Variants in MATN2 observed in about 807,000 individuals in gnomAD.
MATN2 encodes the protein matrilin 2, also known as matrilin-2.
A neutral mutation model predicts 103.2 loss-of-function variants in MATN2; 69 were observed. The observed-to-expected ratio is 0.67, with a 90% confidence interval of 0.55 to 0.82. The LOEUF is 0.82. MATN2 is among the 40% of genes least tolerant of loss of function. The pLI, the probability that MATN2 is intolerant of heterozygous loss-of-function variation, is 0.00. For missense variants in MATN2, 1,023 were observed against 1,211.5 expected, an observed-to-expected ratio of 0.84 and a Z score of 2.31; for synonymous variants, 429 against 450.2, an observed-to-expected ratio of 0.95 and a Z score of 0.60.
chr8:97,964,344 C>A (rs1811414393), intron 5 of MATN2, among the ~76,000 whole-genome samples: 1 of 152,126 alleles, frequency 6.6e-6, no homozygotes, highest in African/African-American at 2.4e-5. Context: ...AGTAGCTGAT[C>A]TGGGGTGCCC....
At chr8:97,986,173 T>C (rs192811932) in intron 6 of MATN2, among the ~76,000 whole-genome samples, 9 of 152,320 alleles carry the variant, frequency 5.9e-5, no homozygotes, top group African/African-American at 2.2e-4. Flanking sequence ...ATTTATTGAG[T>C]CAAAGGCAAT....
At chr8:97,909,112 G>A (rs887395645) in intron 2 of MATN2, among the ~76,000 whole-genome samples, 6 of 152,022 alleles carry the variant, frequency 3.9e-5, no homozygotes, top group African/African-American at 1.4e-4. Flanking sequence ...ATAATTTTTT[G>A]TATTTCTTGT....
At chr8:97,956,091 G>C (rs1168262286) in intron 4 of MATN2, among the ~76,000 whole-genome samples, 1 of 152,232 alleles carries the variant, frequency 6.6e-6, no homozygotes, top group African/African-American at 2.4e-5. Context: ...TACAGCCCTG[G>C]CAGTGTTACG....
At chr8:97,907,912 T>A (rs1586400885) in intron 2 of MATN2, among the ~76,000 whole-genome samples, 1 of 151,764 alleles carries the variant, frequency 6.6e-6, no homozygotes, top group Admixed American at 6.6e-5. Context: ...CTGAGGCAGG[T>A]GGATAACCTG....
intron 8 of MATN2, among the ~76,000 whole-genome samples, chr8:98,004,564 T>C (rs1454417800): frequency 6.6e-6 from 1 of 152,138 alleles, no homozygotes; most frequent in African/African-American, 2.4e-5. Context: ...ATAGGAGCCA[T>C]TTTGATATGT....
chr8:98,019,214 T>TAC (rs139740649), intron 12 of MATN2, among the ~76,000 whole-genome samples: 5,578 of 149,788 alleles, frequency 0.037, 323 homozygotes, highest in African/African-American at 0.12. Context: ...AAAATGGACA[T>TAC]ACACACACAC....
At chr8:98,033,750 A>G (rs2255464) in intron 18 of MATN2, 91 bp downstream of exon 18, 3 of 869,668 alleles carry the variant, frequency 3.4e-6, no homozygotes, top group Non-Finnish European at 5.5e-6. Context: ...CAACTGAAGT[A>G]AATCCCACGA....
At chr8:97,900,381 C>T (rs750150952) in intron 2 of MATN2, among the ~76,000 whole-genome samples, 5 of 152,098 alleles carry the variant, frequency 3.3e-5, no homozygotes, top group African/African-American at 1.2e-4. Context: ...GTTCAGAGCC[C>T]GGAGGGGCCT....
intron 3 of MATN2, among the ~76,000 whole-genome samples, chr8:97,933,223 G>C (rs948388677): frequency 6.6e-6 from 1 of 152,232 alleles, no homozygotes; most frequent in Non-Finnish European, 1.5e-5. Context: ...CCCTGGCACT[G>C]CAGAGGCTGT....
chr8:97,874,469 G>C (rs1458518523), intron 1 of MATN2, among the ~76,000 whole-genome samples: 8 of 151,164 alleles, frequency 5.3e-5, no homozygotes, highest in African/African-American at 9.7e-5. Context: ...GCAGTGGTGC[G>C]ATCACGGCTC....
chr8:98,012,567 G>A (rs7835905), intron 10 of MATN2, among the ~76,000 whole-genome samples: 41,138 of 152,064 alleles, frequency 0.27, 6,611 homozygotes, highest in Non-Finnish European at 0.36. Flanking sequence ...TACTGAATGC[G>A]AGAGGGAGGC....
intron 1 of MATN2, among the ~76,000 whole-genome samples, chr8:97,871,323 G>C (rs996547077): frequency 4.6e-5 from 7 of 152,238 alleles, no homozygotes; most frequent in African/African-American, 1.4e-4. Context: ...AGACTAAAAG[G>C]GGGAGAGACC....
At chr8:97,881,472 C>T (rs188696493) in intron 1 of MATN2, among the ~76,000 whole-genome samples, 2 of 152,178 alleles carry the variant, frequency 1.3e-5, no homozygotes, top group Non-Finnish European at 2.9e-5. Flanking sequence ...TCCCCCACCC[C>T]CTTGGTGAAG....
At chr8:98,000,596 C>CAAAAAAAAAAAAAAAATA (rs67682756) in intron 7 of MATN2, among the ~76,000 whole-genome samples, 1 of 49,634 alleles carries the variant, frequency 2.0e-5, no homozygotes, top group African/African-American at 6.2e-5. Context: ...GACTCCGTCT[C>CAAAAAAAAAAAAAAAATA]AAAAAAAAAA....
chr8:97,948,079 C>T (rs995244850), intron 4 of MATN2, among the ~76,000 whole-genome samples: 1 of 152,200 alleles, frequency 6.6e-6, no homozygotes, highest in African/African-American at 2.4e-5. Flanking sequence ...ATCAGCATTA[C>T]TCTTGGGGGC....
At chr8:98,025,782 C>A in intron 13 of MATN2, 1 of 438,102 alleles carries the variant, frequency 2.3e-6, no homozygotes, top group Non-Finnish European at 4.5e-6. Context: ...CATTTTGGAT[C>A]TGTCCATTTT....
chr8:97,983,332 C>T (rs1586121525), intron 6 of MATN2, among the ~76,000 whole-genome samples: 1 of 152,172 alleles, frequency 6.6e-6, no homozygotes, highest in East Asian at 1.9e-4. Context: ...AATAAAGCTA[C>T]TATAAAGATG....
intron 16 of MATN2, 117 bp downstream of exon 16, chr8:98,032,434 CT>C: frequency 8.2e-6 from 6 of 731,336 alleles, no homozygotes; most frequent in South Asian, 1.8e-5. Flanking sequence ...TAATGAAGGC[CT>C]TTTTTCCCTC....
At chr8:98,025,339 T>C (rs1813752084) in intron 13 of MATN2, 1 of 163,198 alleles carries the variant, frequency 6.1e-6, no homozygotes, top group Non-Finnish European at 1.3e-5. Flanking sequence ...GGCATAGAAA[T>C]GGTTTTGCAT....
Sources: allele counts gnomAD v4.1 joint callset (sites outside exome capture counted in the v4.1 genomes callset), GRCh38; gene constraint gnomAD v4.1.1; transcripts MANE v1.5; gene names NCBI Gene and HGNC (gene_info 2026-07-23, HGNC 2026-07-21).